LRP6: variants seen among roughly 807,000 people sequenced by gnomAD.
LRP6 encodes the protein low-density lipoprotein receptor-related protein 6.
Under a neutral mutation model 184.1 loss-of-function variants are expected in LRP6, and 43 were observed. The observed-to-expected ratio is 0.23, with a 90% CI of 0.18 to 0.30. LRP6 has a LOEUF of 0.30. Among genes scored for constraint, LRP6 ranks in the 10% least tolerant of loss-of-function variants. The pLI is 1.00. For missense variants in LRP6, 1,571 were observed against 2,005.3 expected (o/e 0.78, Z 4.14); for synonymous variants, 719 against 684.9 (o/e 1.05, Z -0.78).
At chr12:12,195,529 A>AT (rs1788139269) in intron 3 of LRP6, among the ~76,000 whole-genome samples, 1 of 151,844 alleles carries the variant, frequency 6.6e-6, no homozygotes. Flanking sequence ...TCATTTCCCC[A>AT]TTTTTTAACC....
intron 2 of LRP6, among the ~76,000 whole-genome samples, chr12:12,240,944 G>C (rs1342700911): frequency 6.6e-6 from 1 of 152,044 alleles, no homozygotes; most frequent in East Asian, 1.9e-4. Context: ...TCTTCCCGTT[G>C]CTTAGTCTGA....
chr12:12,232,004 A>T (rs189402847), intron 2 of LRP6, among the ~76,000 whole-genome samples: 1 of 150,560 alleles, frequency 6.6e-6, no homozygotes, highest in African/African-American at 2.4e-5. Context: ...GCCTCAAAAA[A>T]AAAAACAAAA....
rs200678834 is a variant in LRP6 at position 12,159,869 on chromosome 12, C to T, written c.2375G>A (p.Arg792Gln). The T allele has an allele frequency of 1.9e-6, 3 of 1,613,924 alleles. No homozygotes were observed. The highest frequency in any genetic ancestry group is 1.7e-5 in the Admixed American group (1 of 60,004). Residue 792 changes from arginine (R) to glutamine (Q), a missense_variant, in exon 11 of 23, where the codon CGG becomes CAG. Coordinates refer to ENST00000261349, the MANE Select transcript of LRP6 (RefSeq NM_002336.3). ...ATAATCAATAGTTAGGCCGTTTGCC[C>T]GCCCCACATTTGGAACTAAGGTAGT... ...ERTTLVPNVG[R>Q]ANGLTIDYAK...
chr12:12,247,592 T>C (rs556029425), intron 1 of LRP6, among the ~76,000 whole-genome samples: 58 of 152,314 alleles, frequency 3.8e-4, no homozygotes, highest in South Asian at 8.3e-4. Context: ...AACCACACTA[T>C]TGAAAGGAAA....
intron 22 of LRP6, 136 bp downstream of exon 22, chr12:12,124,426 GCAA>G: frequency 3.0e-6 from 2 of 675,858 alleles, no homozygotes; most frequent in Non-Finnish European, 5.3e-6. Flanking sequence ...TGTGGTAGAG[GCAA>G]TGTCAGTACT....
Position 12,118,931 on chromosome 12 carries a change from C to T in LRP6, c.*2195G>A, listed in dbSNP as rs1046308953. 6.6e-6 allele frequency: 1 copy of T among 152,238 alleles called. No individual in the cohort carries two copies. Among genetic ancestry groups the T allele is most frequent in the African/African-American group, 2.4e-5 (1 of 41,456 alleles). The allele number at this position is 152,238 out of a possible 1,614,324, so 9.4% of individuals were successfully genotyped here. The stretch of plus-strand genomic sequence containing the variant: ...GGGAAGCCCACCAGATCAAGATGCA[C>T]ATTTAAATATGTAAACATATAGAAT... On this transcript the variant is annotated 3_prime_UTR_variant, in exon 23 of 23. Coordinates refer to ENST00000261349, the MANE Select transcript of LRP6 (RefSeq NM_002336.3).
At chr12:12,140,635 G>A (rs948777384) in intron 15 of LRP6, among the ~76,000 whole-genome samples, 2 of 142,230 alleles carry the variant, frequency 1.4e-5, no homozygotes, top group Non-Finnish European at 3.1e-5. Context: ...ACGGAGTTTT[G>A]CTCTTTCGCC....
intron 7 of LRP6, among the ~76,000 whole-genome samples, chr12:12,174,384 T>C (rs1181163515): frequency 6.6e-6 from 1 of 152,246 alleles, no homozygotes; most frequent in African/African-American, 2.4e-5. Flanking sequence ...AGTGCTGGAT[T>C]ACAGGCGTGA....
intron 1 of LRP6, among the ~76,000 whole-genome samples, chr12:12,252,098 T>C (rs377489251): frequency 2.0e-5 from 3 of 152,240 alleles, no homozygotes; most frequent in East Asian, 3.9e-4. Flanking sequence ...TTGCCCAGGC[T>C]GGTCTCAAAC....
intron 3 of LRP6, among the ~76,000 whole-genome samples, chr12:12,195,851 T>G (rs1355714663): frequency 2.6e-5 from 4 of 152,184 alleles, no homozygotes; most frequent in Non-Finnish European, 4.4e-5. Context: ...TGATCCATTT[T>G]GAGTTGATTT....
intron 22 of LRP6, among the ~76,000 whole-genome samples, 188 bp downstream of exon 22, chr12:12,124,377 A>T (rs1949644230): frequency 6.6e-6 from 1 of 152,136 alleles, no homozygotes; most frequent in Non-Finnish European, 1.5e-5. Context: ...CATCTCAAAA[A>T]ATTAAAAAAA....
intron 1 of LRP6, among the ~76,000 whole-genome samples, chr12:12,263,246 C>G (rs1368997238): frequency 2.1e-5 from 3 of 140,344 alleles, no homozygotes; most frequent in Non-Finnish European, 3.0e-5. Flanking sequence ...GCCTGAGCAA[C>G]AAGAGCGAAA....
chr12:12,236,836 G>A (rs1864942608), intron 2 of LRP6, among the ~76,000 whole-genome samples: 1 of 152,188 alleles, frequency 6.6e-6, no homozygotes, highest in African/African-American at 2.4e-5. Flanking sequence ...CACGAGCACA[G>A]GTGATTCCAT....
intron 2 of LRP6, among the ~76,000 whole-genome samples, chr12:12,216,667 A>G (rs1864354611): frequency 1.3e-5 from 2 of 151,674 alleles, no homozygotes; most frequent in South Asian, 2.1e-4. Context: ...AAAAAAAAAA[A>G]AAAGAAAAGA....
chr12:12,246,231 C>G (rs1591983125), intron 1 of LRP6, among the ~76,000 whole-genome samples: 1 of 151,742 alleles, frequency 6.6e-6, no homozygotes, highest in Non-Finnish European at 1.5e-5. Context: ...GTCTTGAACT[C>G]CTGGCCTCCG....
At chr12:12,220,106 G>A (rs1864448923) in intron 2 of LRP6, among the ~76,000 whole-genome samples, 1 of 152,028 alleles carries the variant, frequency 6.6e-6, no homozygotes, top group Non-Finnish European at 1.5e-5. Flanking sequence ...AGGCCAACAT[G>A]GTAAAACCCT....
chr12:12,165,227 A>T lies in LRP6; in HGVS notation c.1614T>A (p.Phe538Leu). 1 of 1,614,164 alleles carries T rather than the reference A, an allele frequency of 6.2e-7. No individual in the cohort carries two copies. Among genetic ancestry groups the T allele is most frequent in the African/African-American group, 1.3e-5 (1 of 75,054 alleles). Residue 538 changes from phenylalanine to leucine, a missense_variant, in exon 8 of 23, where the codon TTT (phenylalanine) becomes TTA (leucine). Coordinates refer to ENST00000261349, the MANE Select transcript of LRP6 (RefSeq NM_002336.3). ...VEDKIPHIFG[F>L]TLLGDYVYWT... ...AGTAAACATAGTCACCCAACAAAGT[A>T]AATCCAAATATGTGAGGAATTTTGT...
In LRP6 at chr12:12,135,234, G is replaced by A. The variant is rs780718857; in HGVS notation, c.3674C>T (p.Thr1225Ile). The change falls in exon 17 of 23, where the codon ACT becomes ATT. Residue 1225 changes from threonine to isoleucine, a missense_variant. Thr to Ile is a moderately conservative substitution (Grantham distance 89). Coordinates refer to ENST00000261349, the MANE Select transcript of LRP6 (RefSeq NM_002336.3). ...GTGCATGGGGCAAGAACACCTTGTAGTACCATCCCCCTTTACAAGACAAAT... is the reference window on the plus strand; with the variant it reads ...GTGCATGGGGCAAGAACACCTTGTAATACCATCCCCCTTTACAAGACAAAT... ...SHICLVKGDGTTRCSCPMHLV... is the reference protein window; with the variant it reads ...SHICLVKGDGITRCSCPMHLV... 1.2e-6 allele frequency: 2 copies of A among 1,613,460 alleles called. No homozygotes were observed. Among genetic ancestry groups the A allele is most frequent in the Non-Finnish European group, 1.7e-6 (2 of 1,179,656 alleles).
intron 15 of LRP6, chr12:12,139,042 G>T (rs1044101531): frequency 3.9e-6 from 5 of 1,274,962 alleles, no homozygotes; most frequent in Non-Finnish European, 5.1e-6. Flanking sequence ...GGCAACTTCT[G>T]CTATTGTTGC....
Sources: allele counts gnomAD v4.1 joint callset (sites outside exome capture counted in the v4.1 genomes callset), GRCh38; gene constraint gnomAD v4.1.1; transcripts MANE v1.5; gene names NCBI Gene and HGNC (gene_info 2026-07-23, HGNC 2026-07-21).